The following SIN3B variants were observed in gnomAD, a reference collection of about 807,000 sequenced individuals.
SIN3B encodes paired amphipathic helix protein Sin3b.
In SIN3B, 19 loss-of-function variants were observed where a neutral mutation model predicts 120.2. That is an observed-to-expected ratio of 0.16 (90% confidence interval 0.11 to 0.23). SIN3B has a LOEUF of 0.23. Ranked by LOEUF, SIN3B falls within the 10% of genes least tolerant of loss-of-function variation. The probability of loss-of-function intolerance (pLI) is 1.00; values close to 1 mark genes in which losing one functional copy is unlikely to be tolerated. For synonymous variants in SIN3B, 654 were observed against 653.2 expected, an observed-to-expected ratio of 1.00 and a Z score of -0.02; for missense variants, 1,073 against 1,573.0, an observed-to-expected ratio of 0.68 and a Z score of 5.38.
At chr19:16,851,273 TG>T in intron 5 of SIN3B, 138 bp from the exon 6 acceptor site, 1 of 928,274 alleles carries the variant, frequency 1.1e-6, no homozygotes, top group Non-Finnish European at 1.6e-6. Context: ...ACCTCACGCA[TG>T]GACGGAGCAT....
At position 16,863,048 on chromosome 19, in the gene SIN3B, C is replaced by G. The variant is rs1366224691; in HGVS notation, c.1266+489C>G. ...TTGTAAATAAAGTTTTACTGTCACA[C>G]AGACACAACCATTCCTTTACATATT... is the stretch of plus-strand genomic sequence containing the variant. On this transcript the variant is annotated intron_variant, in intron 9 of 18. Coordinates refer to ENST00000248054, the MANE Select transcript of SIN3B (RefSeq NM_001297595.2). 2.6e-6 allele frequency: 3 copies of G among 1,139,962 alleles called. No homozygotes were observed. In the Admixed American group the frequency reaches 5.2e-5, roughly 20 times the overall value. The allele number at this position is 1,139,962 out of a possible 1,614,324, so 70.6% of individuals were successfully genotyped here. A position where few individuals can be genotyped will look rare whatever the true frequency, so the allele number is the denominator to read the frequency against.
intron 5 of SIN3B, among the ~76,000 whole-genome samples, chr19:16,849,797 T>C (rs1417177886): frequency 6.6e-6 from 1 of 152,044 alleles, no homozygotes; most frequent in Non-Finnish European, 1.5e-5. Flanking sequence ...TGTTCCAGCA[T>C]ATACAAAAAA....
intron 4 of SIN3B, among the ~76,000 whole-genome samples, chr19:16,843,068 C>T (rs924526432): frequency 2.6e-5 from 4 of 152,118 alleles, no homozygotes; most frequent in East Asian, 1.9e-4. Context: ...GAGTCTCTAA[C>T]GCTTGGAATT....
At chr19:16,849,399 T>A (rs890174685) in intron 5 of SIN3B, among the ~76,000 whole-genome samples, 1 of 152,194 alleles carries the variant, frequency 6.6e-6, no homozygotes, top group African/African-American at 2.4e-5. Context: ...CAATAACACT[T>A]TATTTACAAA....
At chr19:16,845,615 C>T (rs1971469139) in intron 4 of SIN3B, among the ~76,000 whole-genome samples, 4 of 152,160 alleles carry the variant, frequency 2.6e-5, no homozygotes, top group South Asian at 2.1e-4. Flanking sequence ...ACACCCTCAT[C>T]GGAAATCCTA....
chr19:16,871,164 G>T, intron 13 of SIN3B, 65 bp from the exon 14 acceptor site: 5 of 1,600,528 alleles, frequency 3.1e-6, no homozygotes, highest in Non-Finnish European at 4.3e-6. Flanking sequence ...TGTCATGCCA[G>T]AGTTTGGCCT....
intron 3 of SIN3B, among the ~76,000 whole-genome samples, chr19:16,839,157 G>A (rs111628557): frequency 2.6e-5 from 4 of 151,006 alleles, no homozygotes; most frequent in African/African-American, 9.7e-5. Flanking sequence ...TAGTGGAGAC[G>A]GGGTTTTGCA....
chr19:16,833,792 C>T (rs940954084), intron 3 of SIN3B, among the ~76,000 whole-genome samples: 5 of 151,006 alleles, frequency 3.3e-5, no homozygotes, highest in African/African-American at 7.3e-5. Context: ...GGCGCAATCT[C>T]GGCTCCCTGC....
chr19:16,842,747 A>T (rs1054606700), intron 4 of SIN3B, among the ~76,000 whole-genome samples: 2 of 152,170 alleles, frequency 1.3e-5, no homozygotes, highest in Admixed American at 1.3e-4. Context: ...ATTGGGGTGG[A>T]AAAGAAAGGA....
intron 8 of SIN3B, chr19:16,855,777 T>G (rs1971607226): frequency 6.6e-6 from 1 of 150,400 alleles, no homozygotes; most frequent in Admixed American, 6.6e-5. Context: ...GGGCTTGGGT[T>G]AGGTGCGGTG....
intron 1 of SIN3B, 113 bp downstream of exon 1, chr19:16,829,653 C>G (rs1187750754): frequency 3.3e-6 from 4 of 1,223,488 alleles, no homozygotes; most frequent in Admixed American, 2.9e-5. Flanking sequence ...CCCCTCTGCA[C>G]TGCCCCGGAC....
Position 16,863,766 on chromosome 19 carries a change from G to A in SIN3B, c.1353G>A (p.Gln451=). 6.2e-7 allele frequency: 1 copy of A among 1,614,100 alleles called. No homozygotes were observed. Among genetic ancestry groups the A allele is most frequent in the Non-Finnish European group, 8.5e-7 (1 of 1,180,006 alleles). The change falls in exon 10 of 19, where the codon CAG becomes CAA. Residue 451 remains glutamine (Q), a synonymous_variant. Coordinates refer to ENST00000248054, the MANE Select transcript of SIN3B (RefSeq NM_001297595.2). ...VSSKKTPYEE[Q]LHRCEDERFE... The stretch of plus-strand genomic sequence containing the variant: ...CCAAGAAGACACCGTACGAGGAGCA[G>A]CTTCACCGCTGTGAGGACGAGCGCT...
chr19:16,848,426 G>GTTTT (rs11293258), intron 5 of SIN3B, among the ~76,000 whole-genome samples: 1 of 116,964 alleles, frequency 8.5e-6, no homozygotes, highest in East Asian at 2.5e-4. Context: ...TCTTTTCCAG[G>GTTTT]TTTTTTTTTT....
At chr19:16,877,807 G>C (rs934992608) in intron 17 of SIN3B, among the ~76,000 whole-genome samples, 168 bp downstream of exon 17, 10 of 152,208 alleles carry the variant, frequency 6.6e-5, no homozygotes, top group Non-Finnish European at 1.5e-4. Flanking sequence ...GTTTGCAGTG[G>C]AGGGATTAGT....
chr19:16,838,828 C>T (rs62128032), intron 3 of SIN3B, among the ~76,000 whole-genome samples: 18,194 of 152,026 alleles, frequency 0.12, 1,394 homozygotes, highest in East Asian at 0.27. Flanking sequence ...CCCACCACCA[C>T]GCCTGGCTAA....
intron 8 of SIN3B, among the ~76,000 whole-genome samples, chr19:16,857,553 G>GTGTGTGTGTGTGTGTGTGTGTGTGTA (rs66778532): frequency 1.4e-5 from 2 of 139,446 alleles, no homozygotes; most frequent in Admixed American, 1.4e-4. Flanking sequence ...GTGTGTGTGT[G>GTGTGTGTGTGTGTGTGTGTGTGTGTA]TATATATACA....
intron 13 of SIN3B, among the ~76,000 whole-genome samples, 157 bp downstream of exon 13, chr19:16,870,232 C>T (rs1390354398): frequency 6.6e-6 from 1 of 152,244 alleles, no homozygotes; most frequent in African/African-American, 2.4e-5. Context: ...AAGTTGCCAG[C>T]ATAAGACAGA....
rs942111891 is a variant in SIN3B, at chr19:16,880,128, C to G, written c.*1401C>G. Reference sequence around the variant, plus strand: ...TTGCCATCAAGATTCCTGTACCAGGCCCACGGCCGTCTCGGGCAGAGCCAC... The same window carrying G: ...TTGCCATCAAGATTCCTGTACCAGGGCCACGGCCGTCTCGGGCAGAGCCAC... On this transcript the variant is annotated 3_prime_UTR_variant, in exon 19 of 19. Transcript: ENST00000248054. 6.6e-6 allele frequency: 1 copy of G among 152,280 alleles called. No homozygotes were observed. The highest frequency in any genetic ancestry group is 1.5e-5 in the Non-Finnish European group (1 of 68,070). The allele number at this position is 152,280 out of a possible 1,614,324, so 9.4% of individuals were successfully genotyped here. A position where few individuals can be genotyped will look rare whatever the true frequency, so the allele number is the denominator to read the frequency against.
At chr19:16,877,312 G>A (rs1420031728) in intron 16 of SIN3B, 4 of 524,614 alleles carry the variant, frequency 7.6e-6, no homozygotes, top group Non-Finnish European at 1.0e-5. Flanking sequence ...GGCTTCTGGC[G>A]CTCCTCAGCT....
Sources: allele counts gnomAD v4.1 joint callset (sites outside exome capture counted in the v4.1 genomes callset), GRCh38; gene constraint gnomAD v4.1.1; transcripts MANE v1.5; gene names NCBI Gene and HGNC (gene_info 2026-07-23, HGNC 2026-07-21).